Variants in TBC1D32 observed in about 807,000 individuals in gnomAD.
The protein encoded by TBC1D32 is protein broad-minded.
TBC1D32 carries 151 observed loss-of-function variants against 170.3 expected under a neutral mutation model. That is an observed-to-expected ratio of 0.89 (90% CI 0.78 to 1.01). The LOEUF is 1.01. TBC1D32 is among the 50% of genes least tolerant of loss of function. The pLI is 0.00. For synonymous variants in TBC1D32, 498 were observed against 488.0 expected, an observed-to-expected ratio of 1.02 and a Z score of -0.27; for missense variants, 1,464 against 1,457.1, an observed-to-expected ratio of 1.00 and a Z score of -0.08.
intron 31 of TBC1D32, among the ~76,000 whole-genome samples, chr6:121,090,009 T>C (rs943286766): frequency 2.0e-5 from 3 of 151,622 alleles, no homozygotes; most frequent in Admixed American, 6.6e-5. Flanking sequence ...TCTCGGCTCA[T>C]GCAAGCTCCG....
intron 1 of TBC1D32, among the ~76,000 whole-genome samples, chr6:121,331,830 A>G (rs564510635): frequency 6.6e-6 from 1 of 152,310 alleles, no homozygotes; most frequent in African/African-American, 2.4e-5. Flanking sequence ...TTTCTCATAT[A>G]AAAGAGTTCC....
Position 121,304,778 on chromosome 6 carries a change from G to T in TBC1D32, c.746C>A (p.Thr249Asn), listed in dbSNP as rs920895140. ...ACCTAAGCTTGTATAAATTTCCTTG[G>T]TCATATGTAATGGAGAAAGCAAAAA... ...QTFLLSPLHM[T>N]KEIYTSLAKY... Residue 249 changes from threonine to asparagine, a missense_variant, in exon 6 of 32, where the codon ACC becomes AAC. Thr to Asn is a moderately conservative substitution (Grantham distance 65). Coordinates refer to ENST00000398212, the MANE Select transcript of TBC1D32 (RefSeq NM_152730.6). 1 of 1,607,556 alleles carries T rather than the reference G, an allele frequency of 6.2e-7. No individual in the cohort carries two copies. The highest frequency in any genetic ancestry group is 8.5e-7 in the Non-Finnish European group (1 of 1,177,420).
chr6:121,313,628 A>T (rs1277136948), intron 3 of TBC1D32, among the ~76,000 whole-genome samples: 1 of 152,122 alleles, frequency 6.6e-6, no homozygotes, highest in African/African-American at 2.4e-5. Flanking sequence ...TCACTTCTAC[A>T]GAAGTGAAAT....
chr6:121,255,963 G>T, intron 16 of TBC1D32, 121 bp downstream of exon 16: 2 of 815,406 alleles, frequency 2.5e-6, no homozygotes, highest in Non-Finnish European at 3.9e-6. Context: ...AGAGTACTGT[G>T]ATGCTAAAGA....
chr6:121,240,363 T>A (rs2128359311), intron 19 of TBC1D32, among the ~76,000 whole-genome samples: 1 of 125,606 alleles, frequency 8.0e-6, no homozygotes, highest in Admixed American at 9.2e-5. Flanking sequence ...GACAATTTTT[T>A]TTTTTTTTTT....
At chr6:121,297,464 T>C (rs963561605) in intron 10 of TBC1D32, among the ~76,000 whole-genome samples, 3 of 152,068 alleles carry the variant, frequency 2.0e-5, no homozygotes, top group African/African-American at 7.2e-5. Context: ...TGGCACTACA[T>C]AAAACCATTT....
intron 11 of TBC1D32, 146 bp from the exon 12 acceptor site, chr6:121,292,339 T>A: frequency 1.3e-6 from 1 of 747,128 alleles, no homozygotes; most frequent in Non-Finnish European, 2.0e-6. Context: ...TTGTTTTCCT[T>A]ATTGTTTCCT....
chr6:121,249,298 C>T (rs1475296362), intron 17 of TBC1D32, among the ~76,000 whole-genome samples: 1 of 151,560 alleles, frequency 6.6e-6, no homozygotes, highest in Non-Finnish European at 1.5e-5. Flanking sequence ...ACAAAATAGG[C>T]ATAGACAGGA....
At chr6:121,207,575 T>C (rs889972774) in intron 21 of TBC1D32, among the ~76,000 whole-genome samples, 6 of 152,206 alleles carry the variant, frequency 3.9e-5, no homozygotes, top group African/African-American at 1.2e-4. Flanking sequence ...GGAAGCCTCA[T>C]GGAGAGCTTC....
chr6:121,211,197 A>G (rs889363864), intron 21 of TBC1D32, among the ~76,000 whole-genome samples: 2 of 152,162 alleles, frequency 1.3e-5, no homozygotes, highest in African/African-American at 2.4e-5. Context: ...AGAGCTCTGT[A>G]TACTGCTATA....
chr6:121,114,044 T>G (rs1779456945), intron 27 of TBC1D32, among the ~76,000 whole-genome samples: 2 of 152,036 alleles, frequency 1.3e-5, no homozygotes, highest in African/African-American at 2.4e-5. Flanking sequence ...CATGGTGGCA[T>G]GCACCTGTAA....
chr6:121,198,649 G>A (rs1791141669), intron 22 of TBC1D32, among the ~76,000 whole-genome samples: 1 of 151,080 alleles, frequency 6.6e-6, no homozygotes, highest in Non-Finnish European at 1.5e-5. Context: ...TACTCGGGAG[G>A]CTGAGGCAGG....
At position 121,303,747 on chromosome 6, in the gene TBC1D32, A is replaced by G; in HGVS notation, c.950T>C (p.Ile317Thr). The change falls in exon 9 of 32, where the codon ATT becomes ACT. Residue 317 changes from isoleucine to threonine, a missense_variant. Transcript: ENST00000398212. ...TAACAAGGACAAAGTACTCTCCACA[A>G]TTTCTTCCATATACCTTAAAGTTTG... Reference protein sequence around the residue: ...IRHPEKYMEEIVESTLSLLTV... With the variant: ...IRHPEKYMEETVESTLSLLTV... The G allele has an allele frequency of 6.5e-7, 1 of 1,545,580 alleles. No homozygotes were observed. The highest frequency in any genetic ancestry group is 8.8e-7 in the Non-Finnish European group (1 of 1,136,206).
intron 20 of TBC1D32, among the ~76,000 whole-genome samples, chr6:121,232,307 T>C (rs1303973333): frequency 1.3e-5 from 2 of 152,052 alleles, no homozygotes; most frequent in Admixed American, 1.3e-4. Context: ...CAGTACCACG[T>C]CATTCTGTTA....
intron 10 of TBC1D32, among the ~76,000 whole-genome samples, chr6:121,295,601 G>C (rs770591896): frequency 1.3e-5 from 2 of 151,852 alleles, no homozygotes; most frequent in African/African-American, 4.8e-5. Context: ...GCCAACAGAG[G>C]GGAAGAGTTT....
chr6:121,080,520 A>G lies in TBC1D32; in HGVS notation c.*251T>C, dbSNP rs1441762835. 2.7e-6 allele frequency: 1 copy of G among 368,738 alleles called. No homozygotes were observed. Among genetic ancestry groups the G allele is most frequent in the Non-Finnish European group, 4.7e-6 (1 of 211,730 alleles). 22.8% of individuals were successfully genotyped at this position (368,738 alleles called of 1,614,324 possible). On this transcript the variant is annotated 3_prime_UTR_variant, in exon 32 of 32. Transcript: ENST00000398212. The stretch of plus-strand genomic sequence containing the variant: ...TGAGCCACCGCGCCTGGCCAGGACT[A>G]ACTCTTAAACATGAATAAGAACTAA...
chr6:121,103,885 T>C (rs1778420403), intron 30 of TBC1D32, among the ~76,000 whole-genome samples: 1 of 151,888 alleles, frequency 6.6e-6, no homozygotes, highest in South Asian at 2.1e-4. Context: ...AATTGATTAT[T>C]GAGCTTATGG....
chr6:121,194,472 A>G (rs1790474072), intron 22 of TBC1D32, among the ~76,000 whole-genome samples: 1 of 151,920 alleles, frequency 6.6e-6, no homozygotes, highest in Non-Finnish European at 1.5e-5. Context: ...TCCCCATTCA[A>G]CTCTCCCATC....
At chr6:121,102,910 C>A (rs1290712) in intron 30 of TBC1D32, among the ~76,000 whole-genome samples, 1,803 of 151,912 alleles carry the variant, frequency 0.012, 45 homozygotes, top group African/African-American at 0.042. Context: ...ACAAATAACC[C>A]CATCAAAAAG....
Sources: allele counts gnomAD v4.1 joint callset (sites outside exome capture counted in the v4.1 genomes callset), GRCh38; gene constraint gnomAD v4.1.1; transcripts MANE v1.5; gene names NCBI Gene and HGNC (gene_info 2026-07-23, HGNC 2026-07-21).